Variants in ACBD6 observed in about 807,000 individuals in gnomAD.
ACBD6 encodes acyl-CoA-binding domain-containing protein 6.
A neutral mutation model predicts 37.2 loss-of-function variants in ACBD6; 28 were observed. That is an observed-to-expected ratio of 0.75 (90% CI 0.56 to 1.03). ACBD6 has a LOEUF of 1.03. ACBD6 is among the 50% of genes least tolerant of loss of function. The probability of loss-of-function intolerance (pLI) is 0.00; values close to 1 mark genes in which losing one functional copy is unlikely to be tolerated. For synonymous variants in ACBD6, 113 were observed against 126.8 expected, an observed-to-expected ratio of 0.89 and a Z score of 0.73; for missense variants, 340 against 337.4, an observed-to-expected ratio of 1.01 and a Z score of -0.06.
intron 9 of ACBD6, chr1:180,277,165 A>AT (rs1231132528): frequency 2.0e-5 from 3 of 152,178 alleles, no homozygotes; most frequent in Non-Finnish European, 2.9e-5. Flanking sequence ...TAGGTCTAAG[A>AT]TTTTAAATGG....
At chr1:180,290,237 G>C (rs1649647338) in intron 7 of ACBD6, among the ~76,000 whole-genome samples, 1 of 152,102 alleles carries the variant, frequency 6.6e-6, no homozygotes, top group East Asian at 1.9e-4. Context: ...CTCCCAACCT[G>C]GAGTGCAGTG....
rs377682597 is a variant in ACBD6, at chr1:180,426,363, G to C, written c.467+3817C>G. Among the ~76,000 whole-genome samples the C allele has an allele frequency of 1.4e-4, 22 of 152,214 alleles. 1 individual carries two copies. The South Asian group carries it at 1.7e-3, about 11-fold the overall frequency. On this transcript the variant is annotated intron_variant, in intron 4 of 7. Coordinates refer to ENST00000367595, the MANE Select transcript of ACBD6 (RefSeq NM_032360.4). ...TTCTCAATTTATGTGCAAACTTCTA[G>C]ATCAAACCTTTGAAGCATGCAAGTA...
chr1:180,380,311 T>A (rs200757564), intron 6 of ACBD6, among the ~76,000 whole-genome samples: 1 of 151,448 alleles, frequency 6.6e-6, no homozygotes, highest in East Asian at 1.9e-4. Flanking sequence ...AAGACAAAAT[T>A]CTAAAACCAG....
At chr1:180,294,778 T>A (rs1649854961) in intron 7 of ACBD6, among the ~76,000 whole-genome samples, 1 of 152,032 alleles carries the variant, frequency 6.6e-6, no homozygotes. Flanking sequence ...CACTGCATCC[T>A]GGAACTCCTG....
At chr1:180,426,986 A>G (rs572537078) in intron 4 of ACBD6, among the ~76,000 whole-genome samples, 6 of 152,368 alleles carry the variant, frequency 3.9e-5, no homozygotes, top group African/African-American at 1.4e-4. Flanking sequence ...AACTTGCTTC[A>G]GAATGAGAAA....
At chr1:180,475,891 G>T (rs6697924) in intron 3 of ACBD6, among the ~76,000 whole-genome samples, 16 of 151,944 alleles carry the variant, frequency 1.1e-4, no homozygotes, top group South Asian at 8.3e-4. Context: ...AGAGTTGGTG[G>T]GGCACTTTTC....
intron 3 of ACBD6, among the ~76,000 whole-genome samples, chr1:180,448,173 T>C (rs1033802361): frequency 6.6e-6 from 1 of 152,184 alleles, no homozygotes; most frequent in African/African-American, 2.4e-5. Flanking sequence ...CCTTGTAAAA[T>C]GGTATTAGTC....
At chr1:180,463,641 G>A (rs1272235325) in intron 3 of ACBD6, among the ~76,000 whole-genome samples, 1 of 152,134 alleles carries the variant, frequency 6.6e-6, no homozygotes, top group African/African-American at 2.4e-5. Flanking sequence ...AGAAGAGCTG[G>A]TACCATTTCT....
exon 10 of ACBD6, chr1:180,274,750 T>C: frequency 1.3e-6 from 1 of 743,732 alleles, no homozygotes; most frequent in Non-Finnish European, 2.1e-6. Context: ...TAGGGCATTG[T>C]TTCCCTGGGG....
chr1:180,329,305 T>G (rs372219070), intron 6 of ACBD6, among the ~76,000 whole-genome samples: 1 of 152,260 alleles, frequency 6.6e-6, no homozygotes, highest in Non-Finnish European at 1.5e-5. Flanking sequence ...AGACTACTTT[T>G]GCTTTTTGTT....
chr1:180,288,634 T>C, intron 7 of ACBD6, 117 bp from the exon 8 acceptor site: 2 of 1,213,360 alleles, frequency 1.6e-6, no homozygotes, highest in Non-Finnish European at 2.4e-6. Context: ...TGAGCAATGT[T>C]ACAGTGACTG....
chr1:180,291,543 T>C (rs1649707113), intron 7 of ACBD6, among the ~76,000 whole-genome samples: 1 of 152,198 alleles, frequency 6.6e-6, no homozygotes. Context: ...TTTTGTTCAT[T>C]TGTTAATAAG....
At chr1:180,434,205 A>G (rs775101446) in intron 3 of ACBD6, among the ~76,000 whole-genome samples, 1 of 152,116 alleles carries the variant, frequency 6.6e-6, no homozygotes, top group Non-Finnish European at 1.5e-5. Context: ...ATTAACATTA[A>G]AACAGAGATC....
At chr1:180,355,576 A>T (rs909311010) in intron 6 of ACBD6, among the ~76,000 whole-genome samples, 1 of 152,056 alleles carries the variant, frequency 6.6e-6, no homozygotes, top group African/African-American at 2.4e-5. Context: ...TATTTTTTAT[A>T]TTATCTTTCA....
At chr1:180,371,104 T>C (rs572417503) in intron 6 of ACBD6, among the ~76,000 whole-genome samples, 1 of 152,226 alleles carries the variant, frequency 6.6e-6, no homozygotes, top group South Asian at 2.1e-4. Flanking sequence ...TTGGAAAACT[T>C]GGATTTGAAT....
intron 3 of ACBD6, among the ~76,000 whole-genome samples, chr1:180,478,735 T>A (rs1159610527): frequency 6.6e-6 from 1 of 152,116 alleles, no homozygotes; most frequent in Non-Finnish European, 1.5e-5. Flanking sequence ...CTGCCCACCT[T>A]GGCCTCCCAA....
At chr1:180,426,216 A>C (rs998133084) in intron 4 of ACBD6, among the ~76,000 whole-genome samples, 1 of 152,238 alleles carries the variant, frequency 6.6e-6, no homozygotes, top group Admixed American at 6.5e-5. Flanking sequence ...AGAATTAATA[A>C]AATTCTAATA....
exon 14 of ACBD6, chr1:180,269,845 C>CTAAG (rs1409909309): frequency 6.6e-6 from 1 of 152,172 alleles, no homozygotes; most frequent in Non-Finnish European, 1.5e-5. Context: ...GAATGACTCT[C>CTAAG]TAAGTAGTGT....
chr1:180,269,752 G>T (rs976940629), exon 14 of ACBD6: 1 of 152,180 alleles, frequency 6.6e-6, no homozygotes, highest in Admixed American at 6.5e-5. Context: ...AGACACTCCC[G>T]TGTAGACTAT....
Sources: gnomAD v4.1 joint callset for allele counts (sites outside exome capture counted in the v4.1 genomes callset) on GRCh38, gnomAD v4.1.1 for gene constraint, MANE v1.5 for transcripts, NCBI Gene and HGNC (gene_info 2026-07-23, HGNC 2026-07-21) for gene names.